NKD2: variants seen among roughly 807,000 people sequenced by gnomAD.
NKD2 encodes the protein NKD inhibitor of Wnt signaling pathway 2, also known as protein naked cuticle homolog 2.
In NKD2, 43 loss-of-function variants were observed where a neutral mutation model predicts 34.8. That is an observed-to-expected ratio of 1.24 (90% CI 0.97 to 1.60). The LOEUF is 1.60. Ranked by LOEUF, NKD2 falls within the 40% of genes most tolerant of loss-of-function variation. NKD2 has a pLI of 0.00. For missense variants in NKD2, 675 were observed against 627.1 expected (o/e 1.08, Z -0.82); for synonymous variants, 278 against 265.1 (o/e 1.05, Z -0.47).
intron 3 of NKD2, among the ~76,000 whole-genome samples, chr5:1,030,941 T>G (rs1039792760): frequency 1.8e-4 from 27 of 152,104 alleles, no homozygotes; most frequent in African/African-American, 6.5e-4. Context: ...ATATTCAGCC[T>G]CGGCAGCGCC....
intron 3 of NKD2, among the ~76,000 whole-genome samples, chr5:1,029,455 A>G (rs1476998504): frequency 2.0e-5 from 3 of 152,186 alleles, no homozygotes; most frequent in South Asian, 2.1e-4. Flanking sequence ...GTTTCCAGAC[A>G]TCAAACCACG....
chr5:1,031,692 C>T (rs1017709539), intron 3 of NKD2, among the ~76,000 whole-genome samples: 4 of 152,210 alleles, frequency 2.6e-5, no homozygotes, highest in African/African-American at 9.6e-5. Flanking sequence ...TAACTGGTCT[C>T]GGCCGGCAGC....
intron 8 of NKD2, 62 bp from the exon 9 acceptor site, chr5:1,036,195 G>C: frequency 1.4e-6 from 2 of 1,454,230 alleles, no homozygotes; most frequent in Non-Finnish European, 1.8e-6. Context: ...TAGGCACCCC[G>C]TCATCAGGGG....
In NKD2 at chr5:1,009,550, G is replaced by A. The variant is rs988036620; in HGVS notation, c.131G>A (p.Arg44Gln). ...GCGGAGGAAGCGGAGCGGCGCGCGC[G>A]GGACAAGCAGGTAGGCGGCGGGGCG... ...KGAEEAERRA[R>Q]DKQELPNGDP... Residue 44 changes from arginine to glutamine, a missense_variant, in exon 3 of 10, where the codon CGG becomes CAG. Physicochemically the swap from Arg to Gln is conservative, Grantham distance 43. Coordinates refer to ENST00000296849, the MANE Select transcript of NKD2 (RefSeq NM_033120.4). The surrounding 1 kb of genome is among the most constrained non-coding windows in gnomAD (Gnocchi z 6.9). The A allele has an allele frequency of 5.3e-5, 79 of 1,486,210 alleles. No homozygotes were observed. The African/African-American group carries it at 6.6e-4, about 12-fold the overall frequency. 92.1% of individuals were successfully genotyped at this position (1,486,210 alleles called of 1,614,324 possible). A position where few individuals can be genotyped will look rare whatever the true frequency, so the allele number is the denominator to read the frequency against.
chr5:1,035,342 T>A, intron 7 of NKD2, 47 bp from the exon 8 acceptor site: 1 of 1,413,042 alleles, frequency 7.1e-7, no homozygotes, highest in Non-Finnish European at 9.8e-7. Flanking sequence ...GAGTGAATGC[T>A]GAATGAAGGA....
intron 3 of NKD2, among the ~76,000 whole-genome samples, chr5:1,029,610 C>CTGTAT (rs1411650800): frequency 6.6e-6 from 1 of 152,206 alleles, no homozygotes; most frequent in East Asian, 1.9e-4. Context: ...TACATTTTCA[C>CTGTAT]TGTATTAGCT....
At chr5:1,021,440 A>T (rs1372484021) in intron 3 of NKD2, among the ~76,000 whole-genome samples, 1 of 142,290 alleles carries the variant, frequency 7.0e-6, no homozygotes, top group Non-Finnish European at 1.5e-5. Context: ...CCCTCCCCAC[A>T]GGGCCTCAGT....
At chr5:1,028,497 C>T (rs190930080) in intron 3 of NKD2, among the ~76,000 whole-genome samples, 69 of 152,200 alleles carry the variant, frequency 4.5e-4, no homozygotes, top group African/African-American at 1.5e-3. Context: ...TGAGGCCCCA[C>T]GGGGCAGGCC....
chr5:1,012,943 C>T (rs916196196), intron 3 of NKD2, among the ~76,000 whole-genome samples: 6 of 152,214 alleles, frequency 3.9e-5, no homozygotes, highest in Non-Finnish European at 5.9e-5. Flanking sequence ...ACAGTCTGGA[C>T]GCTACCGCAT....
intron 8 of NKD2, 86 bp from the exon 9 acceptor site, chr5:1,036,171 C>T: frequency 7.0e-7 from 1 of 1,425,870 alleles, no homozygotes; most frequent in Non-Finnish European, 9.2e-7. Flanking sequence ...ACCCCGGACC[C>T]CTGCCGCCTG....
intron 3 of NKD2, among the ~76,000 whole-genome samples, chr5:1,021,881 C>G (rs917474208): frequency 6.6e-6 from 1 of 152,232 alleles, no homozygotes; most frequent in Admixed American, 6.5e-5. Flanking sequence ...ATTTAAAGAG[C>G]CTTGGAAACC....
intron 3 of NKD2, among the ~76,000 whole-genome samples, chr5:1,014,759 C>A (rs1411000286): frequency 1.3e-5 from 2 of 152,230 alleles, no homozygotes; most frequent in Non-Finnish European, 2.9e-5. Flanking sequence ...TCCTCCACCC[C>A]CGCTTTGCGG....
intron 3 of NKD2, among the ~76,000 whole-genome samples, chr5:1,010,578 CGCCTGTGATGGTGGG>C (rs1014243451): frequency 3.3e-5 from 5 of 152,174 alleles, no homozygotes; most frequent in African/African-American, 1.2e-4. Context: ...GACCATCTAA[CGCCTGTGATGGTGGG>C]AAGCACGCTG....
At chr5:1,016,305 A>C (rs1579249393) in intron 3 of NKD2, among the ~76,000 whole-genome samples, 2 of 152,374 alleles carry the variant, frequency 1.3e-5, no homozygotes, top group East Asian at 3.9e-4. Flanking sequence ...CATGTTGGCA[A>C]ATACTTGGCA....
At position 1,036,248 on chromosome 5, in the gene NKD2, T is replaced by TC. The variant is rs1204367758; in HGVS notation, c.660-7dup. ...GCGGGGGTCAGGCCCTTCTCTGTGC[T>TC]CCAAGCAGGAGGCCCAGTACTGACC... On this transcript the variant is annotated splice_polypyrimidine_tract_variant and intron_variant, in intron 8 of 9. Transcript: ENST00000296849. The TC allele has an allele frequency of 6.3e-7, 1 of 1,587,770 alleles. No individual in the cohort carries two copies. The highest frequency in any genetic ancestry group is 8.6e-7 in the Non-Finnish European group (1 of 1,166,452).
In NKD2 at chr5:1,014,863, G is replaced by A. The variant is rs572748450; in HGVS notation, c.141+5303G>A. ...GGGAGCCACCATATGGCCGTGTTAC[G>A]TGTGGCCCCCTCGCCAGCACCAGGT... On this transcript the variant is annotated intron_variant, in intron 3 of 9. Coordinates refer to ENST00000296849, the MANE Select transcript of NKD2 (RefSeq NM_033120.4). Among the ~76,000 whole-genome samples, 165 of 152,334 alleles carry A rather than the reference G, an allele frequency of 1.1e-3. 1 individual carries two copies. Among genetic ancestry groups the A allele is most frequent in the African/African-American group, 3.8e-3 (158 of 41,564 alleles).
intron 3 of NKD2, among the ~76,000 whole-genome samples, chr5:1,031,105 CCCT>C (rs759964375): frequency 2.0e-5 from 3 of 152,094 alleles, no homozygotes; most frequent in Non-Finnish European, 2.9e-5. Context: ...GGTCCAGGTG[CCCT>C]CGAGGGTGAC....
In NKD2 at chr5:1,038,334, C is replaced by T. The variant is rs1353839597; in HGVS notation, c.1317C>T (p.His439=). ...QRHEHHHHHE[H]HHHHHHHHFH... ...ACGAGCACCACCACCACCACGAGCA[C>T]CACCACCACCACCACCACCACCACT... The change falls in exon 10 of 10, where the codon CAC becomes CAT. Residue 439 remains histidine (H), a synonymous_variant. Coordinates refer to ENST00000296849, the MANE Select transcript of NKD2 (RefSeq NM_033120.4). This position sits in a 1 kb window ranked among gnomAD's most constrained non-coding sequence, Gnocchi z 4.5. 1 of 1,422,732 alleles carries T rather than the reference C, an allele frequency of 7.0e-7. No individual in the cohort carries two copies. The highest frequency in any genetic ancestry group is 9.3e-7 in the Non-Finnish European group (1 of 1,072,634). 88.1% of individuals were successfully genotyped at this position (1,422,732 alleles called of 1,614,324 possible). A position where few individuals can be genotyped will look rare whatever the true frequency, so the allele number is the denominator to read the frequency against.
chr5:1,015,374 G>A (rs1755907394), intron 3 of NKD2, among the ~76,000 whole-genome samples: 1 of 152,238 alleles, frequency 6.6e-6, no homozygotes, highest in Non-Finnish European at 1.5e-5. Context: ...CTGTTCTTGA[G>A]TTGGCAAAGC....
Sources: gnomAD v4.1 joint callset for allele counts (sites outside exome capture counted in the v4.1 genomes callset) on GRCh38, gnomAD v4.1.1 for gene constraint, Gnocchi (gnomAD v3.1) non-coding constraint, MANE v1.5 for transcripts, NCBI Gene and HGNC (gene_info 2026-07-23, HGNC 2026-07-21) for gene names.